Variants in HTR3A observed in about 807,000 individuals in gnomAD.
The protein encoded by HTR3A is 5-hydroxytryptamine (serotonin) receptor 3A, ionotropic.
HTR3A carries 45 observed loss-of-function variants against 54.8 expected under a neutral mutation model. The ratio of observed to expected loss-of-function variants is 0.82; its 90% CI spans 0.65 to 1.05. The LOEUF (loss-of-function observed/expected upper bound fraction) is 1.05. Ranked by LOEUF, HTR3A falls within the 50% of genes least tolerant of loss-of-function variation. The pLI is 0.00. For missense variants in HTR3A, 657 were observed against 614.0 expected, an observed-to-expected ratio of 1.07 and a Z score of -0.74; for synonymous variants, 297 against 256.0, an observed-to-expected ratio of 1.16 and a Z score of -1.53.
At chr11:113,977,071 A>T (rs778973705) in intron 1 of HTR3A, among the ~76,000 whole-genome samples, 1 of 151,920 alleles carries the variant, frequency 6.6e-6, no homozygotes, top group African/African-American at 2.4e-5. Flanking sequence ...CCTCGCCCCA[A>T]CCACCTATCT....
At chr11:113,975,805 G>C (rs560157014) in intron 1 of HTR3A, among the ~76,000 whole-genome samples, 1 of 152,100 alleles carries the variant, frequency 6.6e-6, no homozygotes. Flanking sequence ...AGTGGGGAGC[G>C]GATAATTCAT....
rs58053281 is a variant in HTR3A, at chr11:113,987,572, A to ATT, written c.1138+535_1138+536dup. On this transcript the variant is annotated intron_variant, in intron 8 of 8. Coordinates refer to ENST00000504030, the MANE Select transcript of HTR3A (RefSeq NM_000869.6). Reference sequence around the variant, plus strand: ...ACATAGTGAGACCTCATCTCTACTAATTTTTTTTTTCAAGTTGGCTGGGCA... The same window carrying ATT: ...ACATAGTGAGACCTCATCTCTACTAATTTTTTTTTTTTCAAGTTGGCTGGGCA... 6.0e-3 allele frequency among the ~76,000 whole-genome samples: 893 copies of ATT among 149,868 alleles called. 8 individuals carry two copies. The highest frequency in any genetic ancestry group is 0.019 in the African/African-American group (758 of 40,812).
intron 5 of HTR3A, among the ~76,000 whole-genome samples, chr11:113,983,961 C>T (rs781163007): frequency 2.6e-5 from 4 of 152,198 alleles, no homozygotes; most frequent in Admixed American, 6.5e-5. Flanking sequence ...AGCTGACTGC[C>T]ACAGCCAGCT....
chr11:113,977,132 G>T (rs1482504614), intron 1 of HTR3A, among the ~76,000 whole-genome samples: 1 of 152,126 alleles, frequency 6.6e-6, no homozygotes, highest in African/African-American at 2.4e-5. Flanking sequence ...GACTGGGCCA[G>T]CCCTCCACCC....
rs766828832 is a variant in HTR3A at position 113,989,517 on chromosome 11, C to T, written c.1191C>T (p.Ser397=). The T allele has an allele frequency of 3.7e-6, 6 of 1,614,154 alleles. No individual in the cohort carries two copies. The highest frequency in any genetic ancestry group is 5.1e-6 in the Non-Finnish European group (6 of 1,180,022). Residue 397 remains serine, a synonymous_variant, in exon 9 of 9, where the codon AGC becomes AGT. Coordinates refer to ENST00000504030, the MANE Select transcript of HTR3A (RefSeq NM_000869.6). This position sits in a 1 kb window ranked among gnomAD's most constrained non-coding sequence, Gnocchi z 4.4. ...GAGGACCCCAGGACTTCGAGAAGAG[C>T]CCGAGGGACAGATGTAGCCCTCCCC... is the stretch of plus-strand genomic sequence containing the variant. ...HMGGPQDFEK[S]PRDRCSPPPP...
intron 4 of HTR3A, among the ~76,000 whole-genome samples, chr11:113,981,670 A>G (rs561764340): frequency 4.6e-5 from 7 of 152,128 alleles, no homozygotes; most frequent in Non-Finnish European, 1.0e-4. Flanking sequence ...AAAAAAATGG[A>G]GCACTTGGCC....
In HTR3A at chr11:113,989,879, A is replaced by C; in HGVS notation, c.*116A>C. The C allele has an allele frequency of 8.7e-7, 1 of 1,153,762 alleles. No homozygotes were observed. Among genetic ancestry groups the C allele is most frequent in the Non-Finnish European group, 1.3e-6 (1 of 780,584 alleles). 71.5% of individuals were successfully genotyped at this position (1,153,762 alleles called of 1,614,324 possible). ...CAGGGACATTTTCAAGACACAGACA[A>C]AGTCCCGTGCCCTGTTTCCAATGCC... On this transcript the variant is annotated 3_prime_UTR_variant, in exon 9 of 9. Transcript: ENST00000504030. The surrounding 1 kb of genome is among the most constrained non-coding windows in gnomAD (Gnocchi z 4.4).
In HTR3A at chr11:113,990,217, CT is replaced by C. The variant is rs1405513993; in HGVS notation, c.*462del. On this transcript the variant is annotated 3_prime_UTR_variant, in exon 9 of 9. Coordinates refer to ENST00000504030, the MANE Select transcript of HTR3A (RefSeq NM_000869.6). Reference sequence around the variant, plus strand: ...ACGAGGCTTCTCTAACCCCTAGTGTCTTTTTTTTCTTCACCTCACTTGTGGC... The same window carrying C: ...ACGAGGCTTCTCTAACCCCTAGTGTCTTTTTTTCTTCACCTCACTTGTGGC... 1.5e-5 allele frequency: 7 copies of C among 454,954 alleles called. No homozygotes were observed. Among genetic ancestry groups the C allele is most frequent in the Non-Finnish European group, 2.6e-5 (6 of 227,552 alleles). 28.2% of individuals were successfully genotyped at this position (454,954 alleles called of 1,614,324 possible). A position where few individuals can be genotyped will look rare whatever the true frequency, so the allele number is the denominator to read the frequency against.
At chr11:113,983,517 C>T (rs535668387) in intron 5 of HTR3A, among the ~76,000 whole-genome samples, 3 of 152,260 alleles carry the variant, frequency 2.0e-5, no homozygotes, top group South Asian at 4.1e-4. Context: ...TATATTTTTC[C>T]AGATCCTTCT....
In HTR3A at chr11:113,977,928, G is replaced by A. The variant is rs1950373785; in HGVS notation, c.219+6G>A. ...TCTATGCCATCCTCAACGTGGTGAGGCTCAGCCCCGAGCTGCACACAGGCA... is the reference window on the plus strand; with the variant it reads ...TCTATGCCATCCTCAACGTGGTGAGACTCAGCCCCGAGCTGCACACAGGCA... On this transcript the variant is annotated splice_donor_region_variant and intron_variant, in intron 2 of 8. Coordinates refer to ENST00000504030, the MANE Select transcript of HTR3A (RefSeq NM_000869.6). 1 of 1,614,214 alleles carries A rather than the reference G, an allele frequency of 6.2e-7. No homozygotes were observed. The highest frequency in any genetic ancestry group is 2.2e-5 in the East Asian group (1 of 44,888).
intron 8 of HTR3A, among the ~76,000 whole-genome samples, chr11:113,988,367 C>T (rs1950516557): frequency 6.6e-6 from 1 of 152,224 alleles, no homozygotes; most frequent in African/African-American, 2.4e-5. Context: ...GATTGGGAGT[C>T]CAGATACCTG....
At chr11:113,985,565 A>T (rs1238831432) in intron 5 of HTR3A, among the ~76,000 whole-genome samples, 1 of 152,134 alleles carries the variant, frequency 6.6e-6, no homozygotes, top group Non-Finnish European at 1.5e-5. Flanking sequence ...ATAAGTGAGG[A>T]TTTTGCTTAT....
At position 113,990,001 on chromosome 11, in the gene HTR3A, C is replaced by T; in HGVS notation, c.*238C>T. 1.5e-6 allele frequency: 1 copy of T among 676,162 alleles called. No individual in the cohort carries two copies. Among genetic ancestry groups the T allele is most frequent in the South Asian group, 1.5e-5 (1 of 66,448 alleles). 41.9% of individuals were successfully genotyped at this position (676,162 alleles called of 1,614,324 possible). The stretch of plus-strand genomic sequence containing the variant: ...CCCTTGTCCCACCCCCAGCAGCTCA[C>T]CATGGCTTTAAAACATGCTGTCTTA... On this transcript the variant is annotated 3_prime_UTR_variant, in exon 9 of 9. Coordinates refer to ENST00000504030, the MANE Select transcript of HTR3A (RefSeq NM_000869.6).
intron 1 of HTR3A, among the ~76,000 whole-genome samples, chr11:113,976,863 G>A (rs113053088): frequency 2.1e-4 from 32 of 151,336 alleles, no homozygotes; most frequent in Middle Eastern, 3.4e-3. Context: ...TCCCTTCACC[G>A]TCCCATGAAT....
Position 113,986,615 on chromosome 11 carries a change from C to A in HTR3A, c.803C>A (p.Pro268His). Reference protein sequence around the residue: ...VMDIVGFYLPPNSGERVSFKI... With the variant: ...VMDIVGFYLPHNSGERVSFKI... ...GACATCGTGGGCTTCTACCTGCCCC[C>A]CAACAGTGGCGAGAGGGTCTCTTTC... The change falls in exon 7 of 9, where the codon CCC (proline) becomes CAC (histidine). Residue 268 changes from proline (P) to histidine (H), a missense_variant. By Grantham distance (77) the Pro-to-His change is moderately conservative (BLOSUM62 -2). Transcript: ENST00000504030. The A allele has an allele frequency of 1.2e-6, 2 of 1,613,866 alleles. No individual in the cohort carries two copies. The highest frequency in any genetic ancestry group is 1.7e-6 in the Non-Finnish European group (2 of 1,180,032).
chr11:113,979,350 G>A, intron 3 of HTR3A, 73 bp downstream of exon 3: 10 of 1,261,112 alleles, frequency 7.9e-6, no homozygotes, highest in Non-Finnish European at 1.2e-5. Flanking sequence ...GGGAGTTTCA[G>A]TGGCCTTGGC....
intron 8 of HTR3A, among the ~76,000 whole-genome samples, chr11:113,988,873 A>T (rs1483359400): frequency 6.6e-6 from 1 of 152,200 alleles, no homozygotes; most frequent in East Asian, 1.9e-4. Context: ...TGTGTATCAG[A>T]TTGCTGAGGA....
chr11:113,975,144 A>G lies in HTR3A; in HGVS notation c.-182A>G, dbSNP rs1565576875. The stretch of plus-strand genomic sequence containing the variant: ...CAGCTGAAGGACTGATTGCAGGAAA[A>G]CTTGGCAGCTCCCCAACCTTGGTGG... On this transcript the variant is annotated 5_prime_UTR_variant, in exon 1 of 9. Transcript: ENST00000504030. 1 of 704,070 alleles carries G rather than the reference A, an allele frequency of 1.4e-6. No individual in the cohort carries two copies. The highest frequency in any genetic ancestry group is 2.6e-6 in the Non-Finnish European group (1 of 388,188). The allele number at this position is 704,070 out of a possible 1,614,324, so 43.6% of individuals were successfully genotyped here. A position where few individuals can be genotyped will look rare whatever the true frequency, so the allele number is the denominator to read the frequency against.
Position 113,979,388 on chromosome 11 carries a change from G to GT in HTR3A, c.264+111_264+112insT, listed in dbSNP as rs533558421. On this transcript the variant is annotated intron_variant, in intron 3 of 8. Coordinates refer to ENST00000504030, the MANE Select transcript of HTR3A (RefSeq NM_000869.6). ...GGGAAGGTGAGCGGAGAGGCTGAGG[G>GT]GCACCCTCAGCCTGAGATCCAGGAG... The GT allele has an allele frequency of 4.7e-3, 3,815 of 807,786 alleles. 16 individuals carry two copies. Among genetic ancestry groups the GT allele is most frequent in the Non-Finnish European group, 6.4e-3 (2,986 of 463,648 alleles). 50.0% of individuals were successfully genotyped at this position (807,786 alleles called of 1,614,324 possible). A position where few individuals can be genotyped will look rare whatever the true frequency, so the allele number is the denominator to read the frequency against.
Sources: gnomAD v4.1 joint callset for allele counts (sites outside exome capture counted in the v4.1 genomes callset) on GRCh38, gnomAD v4.1.1 for gene constraint, Gnocchi (gnomAD v3.1) non-coding constraint, MANE v1.5 for transcripts, NCBI Gene and HGNC (gene_info 2026-07-23, HGNC 2026-07-21) for gene names.